Variants in PBX3 observed in about 807,000 individuals in gnomAD.
The protein encoded by PBX3 is PBX homeobox 3.
Under a neutral mutation model 48.5 loss-of-function variants are expected in PBX3, and 14 were observed. The observed-to-expected ratio is 0.29, with a 90% CI of 0.19 to 0.45. PBX3 has a LOEUF of 0.45. PBX3 is among the 20% of genes least tolerant of loss of function. The probability of loss-of-function intolerance (pLI) is 1.00; values close to 1 mark genes in which losing one functional copy is unlikely to be tolerated. For missense variants in PBX3, 386 were observed against 546.7 expected (o/e 0.71, Z 2.93); for synonymous variants, 210 against 200.3 (o/e 1.05, Z -0.41).
intron 2 of PBX3, among the ~76,000 whole-genome samples, chr9:125,914,757 C>T (rs1841287920): frequency 6.6e-6 from 1 of 152,198 alleles, no homozygotes; most frequent in Non-Finnish European, 1.5e-5. Context: ...TTATGTTACA[C>T]ATTAATGAAA....
chr9:125,932,923 T>C (rs1010061654), intron 4 of PBX3, among the ~76,000 whole-genome samples: 1 of 152,210 alleles, frequency 6.6e-6, no homozygotes, highest in Non-Finnish European at 1.5e-5. Context: ...GTTAGTAATG[T>C]TGTGATGCTG....
chr9:125,901,447 CT>C (rs979044131), intron 2 of PBX3, among the ~76,000 whole-genome samples: 12 of 151,638 alleles, frequency 7.9e-5, no homozygotes, highest in Admixed American at 7.3e-4. Flanking sequence ...TCTGAAATAA[CT>C]TTCTTAATGA....
intron 2 of PBX3, among the ~76,000 whole-genome samples, chr9:125,825,733 C>CA (rs1838789391): frequency 6.6e-6 from 1 of 152,212 alleles, no homozygotes; most frequent in East Asian, 1.9e-4. Flanking sequence ...AGTTTGAAAA[C>CA]CACTGATTTA....
At chr9:125,831,757 C>T (rs1396410659) in intron 2 of PBX3, among the ~76,000 whole-genome samples, 2 of 152,032 alleles carry the variant, frequency 1.3e-5, no homozygotes, top group Non-Finnish European at 1.5e-5. Context: ...TGAAATTGTA[C>T]CACATTTGTC....
intron 2 of PBX3, among the ~76,000 whole-genome samples, chr9:125,850,909 C>T (rs1351330525): frequency 6.6e-6 from 1 of 151,992 alleles, no homozygotes; most frequent in Non-Finnish European, 1.5e-5. Context: ...TGAATGGCTG[C>T]AGTGTTGAAA....
intron 2 of PBX3, among the ~76,000 whole-genome samples, chr9:125,899,576 A>C (rs1840893176): frequency 6.6e-6 from 1 of 150,618 alleles, no homozygotes. Flanking sequence ...TTCAAAATGC[A>C]GTTGATAGTC....
rs571239787 is a variant in PBX3 at position 125,844,531 on chromosome 9, A to G, written c.275-71155A>G. On this transcript the variant is annotated intron_variant, in intron 2 of 8. Transcript: ENST00000373489. ...GTGTTTAAATTAAAAATGTCAAACC[A>G]TGAAGGCATAATGGAAGTAATCATT... 20 of 152,268 alleles carry G rather than the reference A, an allele frequency of 1.3e-4. No homozygotes were observed. The South Asian group carries it at 3.3e-3, about 25-fold the overall frequency. 9.4% of individuals were successfully genotyped at this position (152,268 alleles called of 1,614,324 possible). A position where few individuals can be genotyped will look rare whatever the true frequency, so the allele number is the denominator to read the frequency against.
At chr9:125,787,485 T>G (rs2132052968) in intron 2 of PBX3, among the ~76,000 whole-genome samples, 1 of 152,248 alleles carries the variant, frequency 6.6e-6, no homozygotes, top group East Asian at 1.9e-4. Context: ...CAGCTGAGGT[T>G]GGAGACTGAA....
chr9:125,770,840 G>A (rs776205064), intron 2 of PBX3, among the ~76,000 whole-genome samples: 13 of 152,178 alleles, frequency 8.5e-5, no homozygotes, highest in South Asian at 4.1e-4. Flanking sequence ...ATCTTTCACA[G>A]TTGTGCCAAG....
At chr9:125,752,320 C>A (rs1032756200) in intron 2 of PBX3, among the ~76,000 whole-genome samples, 2 of 152,058 alleles carry the variant, frequency 1.3e-5, no homozygotes, top group Non-Finnish European at 2.9e-5. Flanking sequence ...AAGAGAAAGG[C>A]CTGCTTGGTT....
intron 2 of PBX3, chr9:125,749,171 C>T (rs1404361110): frequency 7.8e-5 from 12 of 153,420 alleles, no homozygotes; most frequent in Admixed American, 7.7e-4. Context: ...CGATGTATTA[C>T]ATCTGTTAAT....
chr9:125,932,528 C>A (rs1179891520), intron 4 of PBX3, among the ~76,000 whole-genome samples: 2 of 152,126 alleles, frequency 1.3e-5, no homozygotes, highest in African/African-American at 4.8e-5. Flanking sequence ...ATTGACTGGC[C>A]AGATGAATGA....
chr9:125,839,011 AT>A (rs1262463372), intron 2 of PBX3, among the ~76,000 whole-genome samples: 1 of 152,170 alleles, frequency 6.6e-6, no homozygotes, highest in Non-Finnish European at 1.5e-5. Flanking sequence ...ACGGAGGGGA[AT>A]GGTTCAGAAT....
intron 2 of PBX3, chr9:125,865,161 G>T: frequency 1.2e-5 from 2 of 166,276 alleles, no homozygotes. Flanking sequence ...TTCATGGAGA[G>T]AACTCCTTTG....
Position 125,899,317 on chromosome 9 carries a change from AT to A in PBX3, c.275-16364del, listed in dbSNP as rs201816904. 6.4e-5 allele frequency among the ~76,000 whole-genome samples: 7 copies of A among 109,090 alleles called. 1 individual carries two copies. The highest frequency in any genetic ancestry group is 4.0e-4 in the Admixed American group (4 of 9,928). 71.6% of individuals were successfully genotyped at this position (109,090 alleles called of 152,430 possible). A position where few individuals can be genotyped will look rare whatever the true frequency, so the allele number is the denominator to read the frequency against. ...TATATAAATATACATATATGTATATATTTTTATATAAATATATACATATATG... is the reference window on the plus strand; with the variant it reads ...TATATAAATATACATATATGTATATATTTTATATAAATATATACATATATG... On this transcript the variant is annotated intron_variant, in intron 2 of 8. Coordinates refer to ENST00000373489, the MANE Select transcript of PBX3 (RefSeq NM_006195.6).
intron 8 of PBX3, among the ~76,000 whole-genome samples, chr9:125,964,630 C>T (rs1241094775): frequency 1.3e-5 from 2 of 151,580 alleles, no homozygotes; most frequent in East Asian, 3.9e-4. Context: ...GTTCTTAGGT[C>T]ATAGAGGTAG....
intron 2 of PBX3, among the ~76,000 whole-genome samples, chr9:125,786,753 T>C (rs12685898): frequency 0.02 from 3,009 of 151,574 alleles, 161 homozygotes; most frequent in East Asian, 0.17. Context: ...GAGATGGAGT[T>C]TCGCTCTGTC....
chr9:125,860,456 G>C (rs567120321), intron 2 of PBX3, among the ~76,000 whole-genome samples: 2 of 152,166 alleles, frequency 1.3e-5, no homozygotes, highest in African/African-American at 4.8e-5. Context: ...GCCAGTGAAG[G>C]GTAGTGCTGC....
At chr9:125,831,984 A>G (rs1838974250) in intron 2 of PBX3, among the ~76,000 whole-genome samples, 1 of 152,124 alleles carries the variant, frequency 6.6e-6, no homozygotes, top group Non-Finnish European at 1.5e-5. Flanking sequence ...AAGGGTACTT[A>G]TTGCTACTGG....
Sources: allele counts gnomAD v4.1 joint callset (sites outside exome capture counted in the v4.1 genomes callset), GRCh38; gene constraint gnomAD v4.1.1; transcripts MANE v1.5; gene names NCBI Gene and HGNC (gene_info 2026-07-23, HGNC 2026-07-21).